Variants in CCDC9 observed in about 807,000 individuals in gnomAD.
CCDC9 encodes coiled-coil domain containing 9.
In CCDC9, 52 loss-of-function variants were observed where a neutral mutation model predicts 65.6. The ratio of observed to expected loss-of-function variants is 0.79; its 90% CI spans 0.63 to 1.00. CCDC9 has a LOEUF of 1.00. Ranked by LOEUF, CCDC9 falls within the 50% of genes least tolerant of loss-of-function variation. CCDC9 has a pLI of 0.00. For missense variants in CCDC9, 834 were observed against 757.2 expected (o/e 1.10, Z -1.19); for synonymous variants, 332 against 280.3 (o/e 1.18, Z -1.84).
At chr19:47,256,728 GGAC>G (rs2059011852) in intron 1 of CCDC9, 119 bp downstream of exon 1, 1 of 138,804 alleles carries the variant, frequency 7.2e-6, no homozygotes, top group African/African-American at 2.6e-5. Context: ...GGCGGGGACA[GGAC>G]GCCCACATGG....
chr19:47,275,380 C>T, downstream of CCDC9: 1 of 1,527,350 alleles, frequency 6.5e-7, no homozygotes, highest in Non-Finnish European at 8.8e-7. Context: ...GGATCGCCAG[C>T]CCTCGAGAGC....
At chr19:47,271,225 T>C in intron 11 of CCDC9, 38 bp downstream of exon 11, 1 of 1,606,196 alleles carries the variant, frequency 6.2e-7, no homozygotes, top group East Asian at 2.2e-5. Context: ...GGGCCTGGGG[T>C]GGGGGCTCAG....
chr19:47,264,029 C>T (rs2059063203), intron 5 of CCDC9, among the ~76,000 whole-genome samples: 1 of 152,144 alleles, frequency 6.6e-6, no homozygotes, highest in Non-Finnish European at 1.5e-5. Flanking sequence ...CAGGCGCCCA[C>T]CACCATGCTT....
intron 8 of CCDC9, among the ~76,000 whole-genome samples, chr19:47,269,176 G>T (rs2059100764): frequency 2.6e-5 from 4 of 152,036 alleles, no homozygotes. Flanking sequence ...GTCATGGAAG[G>T]TTCTAGGTGA....
intron 8 of CCDC9, among the ~76,000 whole-genome samples, chr19:47,269,530 T>G (rs1240298989): frequency 6.6e-6 from 1 of 152,050 alleles, no homozygotes; most frequent in Non-Finnish European, 1.5e-5. Flanking sequence ...TTTGTATTTT[T>G]AGTAGAGATG....
At chr19:47,270,531 T>C (rs2059109953) in intron 9 of CCDC9, 22 bp from the exon 10 acceptor site, 1 of 1,614,110 alleles carries the variant, frequency 6.2e-7, no homozygotes, top group Admixed American at 1.7e-5. Context: ...CCCTTCCCAA[T>C]GACACCTGGG....
downstream of CCDC9, among the ~76,000 whole-genome samples, chr19:47,273,059 T>C (rs1392992784): frequency 6.6e-6 from 1 of 151,186 alleles, no homozygotes; most frequent in Non-Finnish European, 1.5e-5. Flanking sequence ...GAGGACAGTT[T>C]GCAGCCTTGG....
At chr19:47,270,102 G>A (rs922891724) in intron 8 of CCDC9, among the ~76,000 whole-genome samples, 2 of 151,866 alleles carry the variant, frequency 1.3e-5, no homozygotes, top group African/African-American at 4.8e-5. Flanking sequence ...CCGAGTAGCT[G>A]AGATTACAGG....
intron 8 of CCDC9, 95 bp downstream of exon 8, chr19:47,266,887 A>T (rs949899701): frequency 1.4e-6 from 2 of 1,416,276 alleles, no homozygotes; most frequent in African/African-American, 2.9e-5. Flanking sequence ...CCTGCTGTGT[A>T]TGAGTGAGTG....
At chr19:47,270,271 G>T in intron 8 of CCDC9, 136 bp from the exon 9 acceptor site, 1 of 816,588 alleles carries the variant, frequency 1.2e-6, no homozygotes. Flanking sequence ...GCCCGGCCCT[G>T]TCCTACTTCT....
chr19:47,275,412 G>A (rs1205139816), downstream of CCDC9: 8 of 1,500,834 alleles, frequency 5.3e-6, no homozygotes, highest in East Asian at 2.8e-5. Flanking sequence ...CGCCGAGGAT[G>A]CACCGTCTCT....
chr19:47,264,388 G>A (rs769880016), intron 5 of CCDC9, among the ~76,000 whole-genome samples: 2 of 152,208 alleles, frequency 1.3e-5, no homozygotes, highest in Non-Finnish European at 2.9e-5. Flanking sequence ...GTAGGAAGGC[G>A]AATGCAGCGT....
downstream of CCDC9, chr19:47,273,300 C>CG (rs893699967): frequency 1.5e-3 from 1,455 of 976,716 alleles, 6 homozygotes; most frequent in Middle Eastern, 0.026. Flanking sequence ...GGTGCTGGGC[C>CG]GGGGGGGAGG....
In CCDC9 at chr19:47,271,726, TGTGTGTGC is replaced by T. The variant is rs1403588036; in HGVS notation, c.*50_*57del. The T allele has an allele frequency of 3.3e-4, 373 of 1,139,350 alleles. 1 individual carries two copies. Among genetic ancestry groups the T allele is most frequent in the African/African-American group, 7.9e-4 (29 of 36,682 alleles). 70.6% of individuals were successfully genotyped at this position (1,139,350 alleles called of 1,614,324 possible). On this transcript the variant is annotated 3_prime_UTR_variant, in exon 12 of 12. Transcript: ENST00000221922. ...GTGTGTGTGTGTGTGTGTGTGTGTG[TGTGTGTGC>T]GCGCGCGCGCGCGCGCGCGCGCGCG... is the stretch of plus-strand genomic sequence containing the variant.
At chr19:47,261,711 CAAA>C (rs758107358) in intron 5 of CCDC9, among the ~76,000 whole-genome samples, 15 of 50,156 alleles carry the variant, frequency 3.0e-4, no homozygotes, top group African/African-American at 3.7e-4. Context: ...GACTCTGTAT[CAAA>C]AAAAAAAAAA....
intron 7 of CCDC9, 82 bp from the exon 8 acceptor site, chr19:47,266,529 T>A: frequency 6.9e-7 from 1 of 1,440,268 alleles, no homozygotes; most frequent in Non-Finnish European, 9.1e-7. Context: ...TGTGTGATCC[T>A]GAGCAAGTGG....
Position 47,258,628 on chromosome 19 carries a change from C to A in CCDC9, c.73C>A (p.Arg25=). Residue 25 remains arginine, a synonymous_variant, in exon 3 of 12, where the codon CGG becomes AGG. Transcript: ENST00000221922. ...AELDKRIEAL[R]RKNEALIRRY... ...GTTGGACAAGAGGATCGAGGCTCTT[C>A]GGCGGAAGAATGAGGCCCTCATCCG... 1 of 1,614,102 alleles carries A rather than the reference C, an allele frequency of 6.2e-7. No individual in the cohort carries two copies. Among genetic ancestry groups the A allele is most frequent in the South Asian group, 1.1e-5 (1 of 91,078 alleles).
chr19:47,269,847 T>C (rs1033798186), intron 8 of CCDC9, among the ~76,000 whole-genome samples: 1 of 152,146 alleles, frequency 6.6e-6, no homozygotes. Flanking sequence ...TTGTGGGTCA[T>C]GTACTTGGGC....
At chr19:47,268,962 C>T (rs540390047) in intron 8 of CCDC9, among the ~76,000 whole-genome samples, 3 of 151,506 alleles carry the variant, frequency 2.0e-5, no homozygotes, top group East Asian at 3.9e-4. Flanking sequence ...CTGGGCCAGG[C>T]GTGGTGGCTC....
Sources: gnomAD v4.1 joint callset for allele counts (sites outside exome capture counted in the v4.1 genomes callset) on GRCh38, gnomAD v4.1.1 for gene constraint, MANE v1.5 for transcripts, NCBI Gene and HGNC (gene_info 2026-07-23, HGNC 2026-07-21) for gene names.